The following KCNH5 variants were observed in gnomAD, a reference collection of about 807,000 sequenced individuals.
The protein encoded by KCNH5 is voltage-gated delayed rectifier potassium channel KCNH5.
In KCNH5, 46 loss-of-function variants were observed where a neutral mutation model predicts 96.1. That is an observed-to-expected ratio of 0.48 (90% CI 0.38 to 0.61). The LOEUF (loss-of-function observed/expected upper bound fraction) is 0.61, where lower values mean the gene tolerates loss of function less well. Among genes scored for constraint, KCNH5 ranks in the 20% least tolerant of loss-of-function variants. The pLI, the probability that KCNH5 is intolerant of heterozygous loss-of-function variation, is 0.00. For missense variants in KCNH5, 907 were observed against 1,225.8 expected, an observed-to-expected ratio of 0.74 and a Z score of 3.88; for synonymous variants, 439 against 449.8, an observed-to-expected ratio of 0.98 and a Z score of 0.30.
chr14:63,015,472 C>A (rs1188700659), intron 2 of KCNH5, among the ~76,000 whole-genome samples: 1 of 151,950 alleles, frequency 6.6e-6, no homozygotes, highest in Non-Finnish European at 1.5e-5. Context: ...TCTCTCTCTG[C>A]CTTTCTCTCT....
At chr14:62,890,431 C>T (rs1343583024) in intron 7 of KCNH5, among the ~76,000 whole-genome samples, 1 of 151,848 alleles carries the variant, frequency 6.6e-6, no homozygotes, top group Non-Finnish European at 1.5e-5. Context: ...CGCGGTGGCT[C>T]ACGCCTGTAA....
In KCNH5 at chr14:62,981,169, A is replaced by G; in HGVS notation, c.645T>C (p.Thr215=). Reference sequence around the variant, plus strand: ...GAATTAAAATCACCCAATCCCAAGTAGTTTTAAAAGCACAATAATGTAAAA... The same window carrying G: ...GAATTAAAATCACCCAATCCCAAGTGGTTTTAAAAGCACAATAATGTAAAA... ...HIILHYCAFK[T]TWDWVILILT... is the part of the protein sequence containing the mutation. The change falls in exon 6 of 11, where the codon ACT becomes ACC. Residue 215 remains threonine (T), a synonymous_variant. Transcript: ENST00000322893. 2.5e-6 allele frequency: 4 copies of G among 1,614,186 alleles called. No homozygotes were observed. Among genetic ancestry groups the G allele is most frequent in the Non-Finnish European group, 3.4e-6 (4 of 1,180,016 alleles).
chr14:62,866,322 T>C (rs569518443), intron 7 of KCNH5, among the ~76,000 whole-genome samples: 1 of 152,314 alleles, frequency 6.6e-6, no homozygotes, highest in East Asian at 1.9e-4. Context: ...TTCAAGACTG[T>C]GTACCCCATG....
chr14:62,779,603 G>A, intron 10 of KCNH5, 125 bp downstream of exon 10: 2 of 685,412 alleles, frequency 2.9e-6, no homozygotes, highest in Non-Finnish European at 4.5e-6. Context: ...GGAAAATTAT[G>A]CCACTTTACA....
intron 10 of KCNH5, among the ~76,000 whole-genome samples, chr14:62,749,339 A>T (rs553062866): frequency 1.3e-5 from 2 of 152,324 alleles, no homozygotes; most frequent in East Asian, 3.9e-4. Flanking sequence ...GGGACTTCAT[A>T]AGAAATGAGT....
intron 8 of KCNH5, among the ~76,000 whole-genome samples, chr14:62,825,370 T>C (rs1887200476): frequency 6.6e-6 from 1 of 152,168 alleles, no homozygotes; most frequent in African/African-American, 2.4e-5. Context: ...TGATTTGCAT[T>C]TCTCTGATGA....
chr14:62,859,889 G>A (rs1887999789), intron 7 of KCNH5, among the ~76,000 whole-genome samples: 1 of 152,184 alleles, frequency 6.6e-6, no homozygotes, highest in African/African-American at 2.4e-5. Context: ...CTCCCCATGA[G>A]GCCACCGGTG....
chr14:62,941,862 G>A (rs1390939482), intron 7 of KCNH5, among the ~76,000 whole-genome samples: 1 of 152,132 alleles, frequency 6.6e-6, no homozygotes, highest in African/African-American at 2.4e-5. Context: ...CACCTAGGTC[G>A]AGTACCTCTC....
At chr14:62,802,179 A>G (rs1052150598) in intron 9 of KCNH5, 150 bp downstream of exon 9, 16 of 724,992 alleles carry the variant, frequency 2.2e-5, no homozygotes, top group Non-Finnish European at 3.6e-5. Flanking sequence ...CTGAAATAGC[A>G]TTATTAGTTT....
intron 8 of KCNH5, among the ~76,000 whole-genome samples, chr14:62,826,403 CGTGCATGTGTGTGTGTGT>C (rs1241097749): frequency 3.2e-5 from 3 of 93,760 alleles, no homozygotes; most frequent in Non-Finnish European, 6.2e-5. Context: ...TGTGTGCGTG[CGTGCATGTGTGTGTGTGT>C]GTGTGTGTGT....
chr14:62,808,893 T>A (rs115025381), intron 8 of KCNH5, among the ~76,000 whole-genome samples: 11 of 152,100 alleles, frequency 7.2e-5, no homozygotes, highest in Non-Finnish European at 1.3e-4. Context: ...TAATAAACTA[T>A]AGAACTCTAG....
chr14:62,976,137 A>T (rs1367341087), intron 6 of KCNH5, among the ~76,000 whole-genome samples: 2 of 151,708 alleles, frequency 1.3e-5, no homozygotes, highest in East Asian at 3.9e-4. Flanking sequence ...GCAGTGGCTC[A>T]CGCCTGTAAT....
intron 3 of KCNH5, among the ~76,000 whole-genome samples, chr14:63,003,573 TTATATA>T (rs1891062987): frequency 7.7e-6 from 1 of 130,164 alleles, no homozygotes; most frequent in South Asian, 2.2e-4. Flanking sequence ...ATATTTATAT[TTATATA>T]CATAATATAT....
chr14:62,956,800 C>T (rs1270089128), intron 6 of KCNH5, among the ~76,000 whole-genome samples: 1 of 152,110 alleles, frequency 6.6e-6, no homozygotes, highest in Non-Finnish European at 1.5e-5. Flanking sequence ...GAGGTTGATC[C>T]TCCAAAAATG....
At chr14:62,717,919 C>T (rs1397884527) in intron 10 of KCNH5, among the ~76,000 whole-genome samples, 1 of 152,166 alleles carries the variant, frequency 6.6e-6, no homozygotes, top group Non-Finnish European at 1.5e-5. Flanking sequence ...GTGGTATACA[C>T]CACGGAATAC....
intron 7 of KCNH5, among the ~76,000 whole-genome samples, chr14:62,898,244 GA>G (rs1888854795): frequency 6.6e-6 from 1 of 152,110 alleles, no homozygotes. Context: ...AAACTAAATA[GA>G]AAGGGCTAAA....
At chr14:62,761,423 T>C (rs1008391987) in intron 10 of KCNH5, among the ~76,000 whole-genome samples, 1 of 151,306 alleles carries the variant, frequency 6.6e-6, no homozygotes, top group African/African-American at 2.4e-5. Flanking sequence ...AGAATCAGCA[T>C]GGAAGCTTTT....
At chr14:62,817,136 A>AAT (rs570238460) in intron 8 of KCNH5, among the ~76,000 whole-genome samples, 6 of 138,990 alleles carry the variant, frequency 4.3e-5, no homozygotes, top group Non-Finnish European at 6.1e-5. Flanking sequence ...TATAATATAT[A>AAT]ATATATATAT....
At chr14:62,884,309 AC>A (rs1223655859) in intron 7 of KCNH5, among the ~76,000 whole-genome samples, 13 of 152,202 alleles carry the variant, frequency 8.5e-5, no homozygotes, top group African/African-American at 3.1e-4. Context: ...AATGAAAATT[AC>A]TACAACAATT....
Sources: gnomAD v4.1 joint callset for allele counts (sites outside exome capture counted in the v4.1 genomes callset) on GRCh38, gnomAD v4.1.1 for gene constraint, MANE v1.5 for transcripts, NCBI Gene and HGNC (gene_info 2026-07-23, HGNC 2026-07-21) for gene names.